HCFC1: variants seen among roughly 807,000 people sequenced by gnomAD.
HCFC1 encodes host cell factor 1.
In HCFC1, 7 loss-of-function variants were observed where a neutral mutation model predicts 105.5. The ratio of observed to expected loss-of-function variants is 0.07; its 90% CI spans 0.04 to 0.12. The LOEUF is 0.12. Ranked by LOEUF, HCFC1 falls within the 10% of genes least tolerant of loss-of-function variation. The pLI, the probability that HCFC1 is intolerant of heterozygous loss-of-function variation, is 1.00. For missense variants in HCFC1, 1,065 were observed against 1,823.6 expected (o/e 0.58, Z 7.58); for synonymous variants, 918 against 828.1 (o/e 1.11, Z -1.86).
At position 153,952,699 on chromosome X, in the gene HCFC1, G is replaced by A; in HGVS notation, c.4757C>T (p.Ser1586Leu). 3.3e-6 allele frequency: 4 copies of A among 1,210,160 alleles called. No individual in the cohort carries two copies. The highest frequency in any genetic ancestry group is 4.5e-6 in the Non-Finnish European group (4 of 894,603). ...PPTQSEVDQL[S>L]LPQELMAEAQ... ...CTCGGCCATTAGCTCTTGGGGAAGT[G>A]ATAACTGGTCTACTTCGGACTGTGT... Residue 1586 changes from serine to leucine, a missense_variant, in exon 19 of 26, where the codon TCA becomes TTA. By Grantham distance (145) the Ser-to-Leu change is moderately radical. This residue lies in a region of HCFC1 where 546 missense variants were observed against 599.9 expected (regional missense o/e 0.91). Transcript: ENST00000310441.
In HCFC1 at chrX:153,951,316, CCACCTGAGGACATCAG is replaced by C. The variant is rs1165236596; in HGVS notation, c.5517+18_5517+33del. The stretch of plus-strand genomic sequence containing the variant: ...TCAGGGTGGTGGAGCCAAGACCCAC[CCACCTGAGGACATCAG>C]CACCTGGGGACACTTACGTCTGATG... On this transcript the variant is annotated intron_variant, in intron 22 of 25. Transcript: ENST00000310441. 4.2e-6 allele frequency: 5 copies of C among 1,202,753 alleles called. No individual in the cohort carries two copies. The highest frequency in any genetic ancestry group is 5.6e-6 in the Non-Finnish European group (5 of 889,481).
chrX:153,964,009 G>A lies in HCFC1; in HGVS notation c.503+115C>T, dbSNP rs191108070. 236 of 628,622 alleles carry A rather than the reference G, an allele frequency of 3.8e-4. 1 individual carries two copies. The highest frequency in any genetic ancestry group is 2.5e-3 in the African/African-American group (110 of 43,690). 51.8% of individuals were successfully genotyped at this position (628,622 alleles called of 1,213,427 possible). A position where few individuals can be genotyped will look rare whatever the true frequency, so the allele number is the denominator to read the frequency against. On this transcript the variant is annotated intron_variant, in intron 3 of 25. Coordinates refer to ENST00000310441, the MANE Select transcript of HCFC1 (RefSeq NM_005334.3). ...CTCTCTCATTTACAACCCAGCACGA[G>A]AAAGGGACCCGGCCACGGGGCTCTG...
chrX:153,961,113 G>C (rs1361469520), intron 6 of HCFC1, among the ~76,000 whole-genome samples: 1 of 112,850 alleles, frequency 8.9e-6, no homozygotes, highest in Non-Finnish European at 1.9e-5. Context: ...GACGTGGAGT[G>C]ATCTCCAAGA....
chrX:153,951,959 A>G lies in HCFC1; in HGVS notation c.5142T>C (p.Thr1714=). ...GACTGTCGGCAGGGGCCAGGGCCTC[A>G]GTGGGGAGGTGGTGATGCTGCTGCT... ...QAQQQHHHLP[T]EALAPADSLN... The change falls in exon 20 of 26, where the codon ACT becomes ACC. Residue 1714 remains threonine (T), a synonymous_variant. Coordinates refer to ENST00000310441, the MANE Select transcript of HCFC1 (RefSeq NM_005334.3). The G allele has an allele frequency of 2.5e-6, 3 of 1,187,676 alleles. No individual in the cohort carries two copies. The highest frequency in any genetic ancestry group is 2.3e-6 in the Non-Finnish European group (2 of 884,070).
rs781808356 is a variant in HCFC1 at position 153,947,730 on chromosome X, G to A, written c.*1617C>T. The stretch of plus-strand genomic sequence containing the variant: ...GTAAAACAACAGGACCAGGTGAGTG[G>A]GCTCCAAGGTGACTAAACGTGACAT... On this transcript the variant is annotated 3_prime_UTR_variant, in exon 26 of 26. Coordinates refer to ENST00000310441, the MANE Select transcript of HCFC1 (RefSeq NM_005334.3). 1.8e-5 allele frequency: 2 copies of A among 111,208 alleles called. No individual in the cohort carries two copies. Among genetic ancestry groups the A allele is most frequent in the South Asian group, 7.7e-4 (2 of 2,603 alleles). The allele number at this position is 111,208 out of a possible 1,213,427, so 9.2% of individuals were successfully genotyped here. A position where few individuals can be genotyped will look rare whatever the true frequency, so the allele number is the denominator to read the frequency against.
At position 153,949,894 on chromosome X, in the gene HCFC1, G is replaced by A. The variant is rs150536778; in HGVS notation, c.6005-278C>T. ...AGGTCCCAGAGCCCCAGGGGAGCTG[G>A]AGCAGGAGCATGACCTGACAGGAGG... On this transcript the variant is annotated intron_variant, in intron 24 of 25. Coordinates refer to ENST00000310441, the MANE Select transcript of HCFC1 (RefSeq NM_005334.3). 0.031 allele frequency among the ~76,000 whole-genome samples: 3,468 copies of A among 112,090 alleles called. 134 individuals carry two copies. Among genetic ancestry groups the A allele is most frequent in the African/African-American group, 0.11 (3,288 of 30,789 alleles).
chrX:153,970,238 G>A (rs1557119629), intron 1 of HCFC1, among the ~76,000 whole-genome samples: 2 of 108,791 alleles, frequency 1.8e-5, no homozygotes, highest in South Asian at 8.0e-4. Flanking sequence ...CAGCCCGCTG[G>A]GTAACGGTGT....
chrX:153,964,070 G>C, intron 3 of HCFC1, 54 bp downstream of exon 3: 1 of 1,054,600 alleles, frequency 9.5e-7, no homozygotes, highest in South Asian at 2.2e-5. Flanking sequence ...GGAGCCCTGT[G>C]CATGTGAGAG....
At chrX:153,967,681 C>T (rs890601851) in intron 1 of HCFC1, among the ~76,000 whole-genome samples, 1 of 111,823 alleles carries the variant, frequency 8.9e-6, no homozygotes, top group East Asian at 2.8e-4. Flanking sequence ...CAGAGCAGTG[C>T]GACTGCTGGA....
chrX:153,963,736 G>A (rs1393437257), intron 3 of HCFC1, among the ~76,000 whole-genome samples: 2 of 112,867 alleles, frequency 1.8e-5, no homozygotes, highest in African/African-American at 6.4e-5. Context: ...GAGCAAGAGG[G>A]GGCGCTGGCT....
At position 153,947,979 on chromosome X, in the gene HCFC1, T is replaced by C. The variant is rs1339520091; in HGVS notation, c.*1368A>G. On this transcript the variant is annotated 3_prime_UTR_variant, in exon 26 of 26. Coordinates refer to ENST00000310441, the MANE Select transcript of HCFC1 (RefSeq NM_005334.3). Reference sequence around the variant, plus strand: ...GCCTCGGAGCCTGGCCTGAGTTCCATGCTGCACAGCTGCTGCTGGTGGCCT... The same window carrying C: ...GCCTCGGAGCCTGGCCTGAGTTCCACGCTGCACAGCTGCTGCTGGTGGCCT... 2 of 111,986 alleles carry C rather than the reference T, an allele frequency of 1.8e-5. No homozygotes were observed. Among genetic ancestry groups the C allele is most frequent in the East Asian group, 2.8e-4 (1 of 3,566 alleles). 9.2% of individuals were successfully genotyped at this position (111,986 alleles called of 1,213,427 possible).
In HCFC1 at chrX:153,954,531, A is replaced by G. The variant is rs782420539; in HGVS notation, c.3868T>C (p.Ser1290Pro). 2 of 1,209,651 alleles carry G rather than the reference A, an allele frequency of 1.7e-6. No homozygotes were observed. Among genetic ancestry groups the G allele is most frequent in the Non-Finnish European group, 2.2e-6 (2 of 894,696 alleles). Residue 1290 changes from serine to proline, a missense_variant, in exon 17 of 26, where the codon TCC becomes CCC. Ser to Pro is a moderately conservative substitution (Grantham distance 74, BLOSUM62 -1). Coordinates refer to ENST00000310441, the MANE Select transcript of HCFC1 (RefSeq NM_005334.3). Reference protein sequence around the residue: ...CPSATVTQVCSNPPCETHETG... With the variant: ...CPSATVTQVCPNPPCETHETG... ...TCGTGGGTCTCACATGGTGGGTTGGAGCAGACTTGGGTCACGGTGGCCGAG... is the reference window on the plus strand; with the variant it reads ...TCGTGGGTCTCACATGGTGGGTTGGGGCAGACTTGGGTCACGGTGGCCGAG...
rs2065332744 is a variant in HCFC1 at position 153,953,239 on chromosome X, G to C, written c.4498-281C>G. On this transcript the variant is annotated intron_variant, in intron 18 of 25. Coordinates refer to ENST00000310441, the MANE Select transcript of HCFC1 (RefSeq NM_005334.3). ...GCTCCAGCCCATGTTAAATAGGGAG[G>C]GGACAGTGGTTCTCTGACCAGCATG... 15 of 439,639 alleles carry C rather than the reference G, an allele frequency of 3.4e-5. No individual in the cohort carries two copies. In the East Asian group the frequency reaches 4.8e-4, roughly 14 times the overall value. 36.2% of individuals were successfully genotyped at this position (439,639 alleles called of 1,213,427 possible).
intron 16 of HCFC1, among the ~76,000 whole-genome samples, chrX:153,955,852 G>A (rs965427999): frequency 8.9e-6 from 1 of 112,967 alleles, no homozygotes; most frequent in African/African-American, 3.2e-5. Context: ...ATGCTCAAAG[G>A]CCAACAACAA....
At position 153,947,766 on chromosome X, in the gene HCFC1, G is replaced by A. The variant is rs1557111318; in HGVS notation, c.*1581C>T. ...GACTAAACGTGACATTTTCCACAGCGAAATATACTATAATACAACAAACCA... is the reference window on the plus strand; with the variant it reads ...GACTAAACGTGACATTTTCCACAGCAAAATATACTATAATACAACAAACCA... On this transcript the variant is annotated 3_prime_UTR_variant, in exon 26 of 26. Transcript: ENST00000310441. 9.0e-6 allele frequency: 1 copy of A among 110,923 alleles called. No homozygotes were observed. Among genetic ancestry groups the A allele is most frequent in the Non-Finnish European group, 1.9e-5 (1 of 52,889 alleles). The allele number at this position is 110,923 out of a possible 1,213,427, so 9.1% of individuals were successfully genotyped here. A position where few individuals can be genotyped will look rare whatever the true frequency, so the allele number is the denominator to read the frequency against.
chrX:153,959,756 G>A (rs782704434), intron 8 of HCFC1, 46 bp downstream of exon 8: 63 of 1,141,971 alleles, frequency 5.5e-5, no homozygotes, highest in East Asian at 1.2e-4. Flanking sequence ...GCCTCTCCCC[G>A]GAGGCTAGCC....
At position 153,955,378 on chromosome X, in the gene HCFC1, G is replaced by T; in HGVS notation, c.3021C>A (p.Gly1007=). The T allele has an allele frequency of 8.3e-7, 1 of 1,211,173 alleles. No individual in the cohort carries two copies. The highest frequency in any genetic ancestry group is 1.1e-6 in the Non-Finnish European group (1 of 894,979). The change falls in exon 17 of 26, where the codon GGC becomes GGA. Residue 1007 remains glycine (G), a synonymous_variant. Transcript: ENST00000310441. ...GGTTGGAGCACACCAAGGTGACAGT[G>T]CCAGGCTGCACATCACCCTGGCCTG... ...ADSGQGDVQP[G]TVTLVCSNPP... is the part of the protein sequence containing the mutation.
rs781827846 is a variant in HCFC1 at position 153,954,705 on chromosome X, G to A, written c.3694C>T (p.Arg1232Cys). 4.2e-6 allele frequency: 5 copies of A among 1,195,867 alleles called. No homozygotes were observed. Among genetic ancestry groups the A allele is most frequent in the East Asian group, 6.0e-5 (2 of 33,062 alleles). Reference sequence around the variant, plus strand: ...GCGGTGCTGACCGCATGGCTGTGGCGCCCCGCAGGAAGGTCCTTAATGCTT... The same window carrying A: ...GCGGTGCTGACCGCATGGCTGTGGCACCCCGCAGGAAGGTCCTTAATGCTT... ...SPSIKDLPAG[R>C]HSHAVSTAAM... Residue 1232 changes from arginine to cysteine, a missense_variant, in exon 17 of 26, where the codon CGC (arginine) becomes TGC (cysteine). Arg to Cys is a radical substitution (Grantham distance 180). Transcript: ENST00000310441.
At chrX:153,956,511 A>G in intron 15 of HCFC1, 100 bp from the exon 16 acceptor site, 10 of 1,113,270 alleles carry the variant, frequency 9.0e-6, no homozygotes, top group Non-Finnish European at 1.1e-5. Context: ...GCTTGCATAG[A>G]AGGCTCGGGA....
Sources: gnomAD v4.1 joint callset for allele counts (sites outside exome capture counted in the v4.1 genomes callset) on GRCh38, gnomAD v4.1.1 for gene constraint, gnomAD v4.1.1 regional missense constraint, MANE v1.5 for transcripts, NCBI Gene and HGNC (gene_info 2026-07-23, HGNC 2026-07-21) for gene names.